TEP1: variants seen among roughly 807,000 people sequenced by gnomAD.
The protein encoded by TEP1 is telomerase associated protein 1.
In TEP1, 241 loss-of-function variants were observed where a neutral mutation model predicts 306.3. The ratio of observed to expected loss-of-function variants is 0.79; its 90% CI spans 0.71 to 0.88. The LOEUF (loss-of-function observed/expected upper bound fraction) is 0.88, where lower values mean the gene tolerates loss of function less well. Ranked by LOEUF, TEP1 falls within the 40% of genes least tolerant of loss-of-function variation. TEP1 has a pLI of 0.00. For missense variants in TEP1, 3,051 were observed against 3,276.1 expected (o/e 0.93, Z 1.68); for synonymous variants, 1,289 against 1,305.5 (o/e 0.99, Z 0.27).
Position 20,408,296 on chromosome 14 carries a change from C to A in TEP1, c.144G>T (p.Lys48Asn). The A allele has an allele frequency of 1.2e-6, 2 of 1,613,752 alleles. No homozygotes were observed. Among genetic ancestry groups the A allele is most frequent in the Non-Finnish European group, 1.7e-6 (2 of 1,179,970 alleles). ...VSTHSDILSL[K>N]NQCLATLPDL... The stretch of plus-strand genomic sequence containing the variant: ...CAGGAAGCGTGGCTAGGCACTGGTT[C>A]TTCAAGGAGAGGATATCTGAGTGGG... Residue 48 changes from lysine (K) to asparagine (N), a missense_variant, in exon 2 of 55, where the codon AAG becomes AAT. Coordinates refer to ENST00000262715, the MANE Select transcript of TEP1 (RefSeq NM_007110.5).
chr14:20,385,613 T>C (rs1877069526), intron 20 of TEP1, among the ~76,000 whole-genome samples: 1 of 152,238 alleles, frequency 6.6e-6, no homozygotes, highest in Non-Finnish European at 1.5e-5. Flanking sequence ...CCTCAGGTGA[T>C]CCACCCGCCT....
chr14:20,372,670 G>C (rs1021191343), intron 49 of TEP1, 63 bp downstream of exon 49: 4 of 1,608,724 alleles, frequency 2.5e-6, no homozygotes, highest in Admixed American at 1.7e-5. Flanking sequence ...CAGTAATTTG[G>C]GTAAAATGCC....
At position 20,368,399 on chromosome 14, in the gene TEP1, T is replaced by C. The variant is rs1200435449; in HGVS notation, c.*38A>G. Reference sequence around the variant, plus strand: ...CCAGTGTCTTCAGGCTTTGCATCTCTAGCACAAGGGGTATCATTATTCCCG... The same window carrying C: ...CCAGTGTCTTCAGGCTTTGCATCTCCAGCACAAGGGGTATCATTATTCCCG... On this transcript the variant is annotated 3_prime_UTR_variant, in exon 55 of 55. Transcript: ENST00000262715. 8 of 1,601,632 alleles carry C rather than the reference T, an allele frequency of 5.0e-6. No individual in the cohort carries two copies. Among genetic ancestry groups the C allele is most frequent in the Non-Finnish European group, 5.1e-6 (6 of 1,169,648 alleles).
At position 20,385,116 on chromosome 14, in the gene TEP1, G is replaced by A. The variant is rs1406502392; in HGVS notation, c.2983-7C>T. On this transcript the variant is annotated splice_region_variant and splice_polypyrimidine_tract_variant and intron_variant, in intron 20 of 54. Transcript: ENST00000262715. Reference sequence around the variant, plus strand: ...CTGAAGGGTACTGCTGGGCCTGCGGGGAGGACAGAGACAGTGAGTTTAGTC... The same window carrying A: ...CTGAAGGGTACTGCTGGGCCTGCGGAGAGGACAGAGACAGTGAGTTTAGTC... 5.0e-6 allele frequency: 8 copies of A among 1,613,570 alleles called. No homozygotes were observed. Among genetic ancestry groups the A allele is most frequent in the Non-Finnish European group, 5.9e-6 (7 of 1,179,860 alleles).
chr14:20,368,994 TCCTC>T, intron 53 of TEP1, 92 bp from the exon 54 acceptor site: 3 of 848,902 alleles, frequency 3.5e-6, no homozygotes, highest in Non-Finnish European at 5.6e-6. Flanking sequence ...CCTACAGCCC[TCCTC>T]CCTTAGTATT....
In TEP1 at chr14:20,395,630, G is replaced by A. The variant is rs1029418850; in HGVS notation, c.1751-3C>T. On this transcript the variant is annotated splice_region_variant and splice_polypyrimidine_tract_variant and intron_variant, in intron 11 of 54. Transcript: ENST00000262715. ...TATATTCGAAGGAAAGGGCAATGCT[G>A]TATGATGACAGGTAAATTTCCGAGT... 1.3e-6 allele frequency: 2 copies of A among 1,589,746 alleles called. No individual in the cohort carries two copies. The highest frequency in any genetic ancestry group is 1.7e-6 in the Non-Finnish European group (2 of 1,160,224).
chr14:20,378,512 C>T lies in TEP1; in HGVS notation c.5376G>A (p.Gln1792=), dbSNP rs1885336055. The T allele has an allele frequency of 6.2e-7, 1 of 1,614,204 alleles. No homozygotes were observed. The highest frequency in any genetic ancestry group is 8.5e-7 in the Non-Finnish European group (1 of 1,180,030). Residue 1792 remains glutamine, a synonymous_variant, in exon 38 of 55, where the codon CAG becomes CAA. Transcript: ENST00000262715. ...CLKLWDTVRG[Q]LAFQHTYPKS... Reference sequence around the variant, plus strand: ...TGGGGTAGGTGTGCTGGAAGGCCAGCTGCCCACGGACTGTGTCCCACAGCT... The same window carrying T: ...TGGGGTAGGTGTGCTGGAAGGCCAGTTGCCCACGGACTGTGTCCCACAGCT...
chr14:20,395,553 TCCG>T lies in TEP1; in HGVS notation c.1822_1824del (p.Arg609del). On this transcript the variant is annotated inframe_deletion, in exon 12 of 55. Transcript: ENST00000262715. ...TGACGGCTTAGGTGGCAAAGAAACC[TCCG>T]CCTGGGACGGTTCTTTTCATTTCTA... 2 of 1,613,874 alleles carry T rather than the reference TCCG, an allele frequency of 1.2e-6. No individual in the cohort carries two copies. Among genetic ancestry groups the T allele is most frequent in the South Asian group, 2.2e-5 (2 of 91,072 alleles).
At position 20,391,105 on chromosome 14, in the gene TEP1, A is replaced by AC. The variant is rs1877679518; in HGVS notation, c.2098-10dup. 1 of 1,613,554 alleles carries AC rather than the reference A, an allele frequency of 6.2e-7. No homozygotes were observed. Among genetic ancestry groups the AC allele is most frequent in the East Asian group, 2.2e-5 (1 of 44,882 alleles). ...GCATAGTTCAGCGGGGGCTGATTGG[A>AC]CAAGTGTCAGGGGAAATAAAGCTCC... On this transcript the variant is annotated splice_polypyrimidine_tract_variant and intron_variant, in intron 13 of 54. Coordinates refer to ENST00000262715, the MANE Select transcript of TEP1 (RefSeq NM_007110.5).
rs1876903719 is a variant in TEP1 at position 20,384,234 on chromosome 14, TGA to T, written c.3340-4_3340-3del. On this transcript the variant is annotated splice_polypyrimidine_tract_variant and splice_region_variant and intron_variant, in intron 23 of 54. Transcript: ENST00000262715. ...TGGCTGCTCCAGCAGGGCCCCAGGC[TGA>T]GGGTAAATGGGTCAGTGACTATCCA... The T allele has an allele frequency of 1.9e-6, 3 of 1,613,222 alleles. No individual in the cohort carries two copies. Among genetic ancestry groups the T allele is most frequent in the Non-Finnish European group, 1.7e-6 (2 of 1,179,556 alleles).
intron 35 of TEP1, 149 bp from the exon 36 acceptor site, chr14:20,379,254 G>T (rs141077549): frequency 2.8e-6 from 3 of 1,068,906 alleles, no homozygotes; most frequent in Admixed American, 2.7e-5. Flanking sequence ...ACGTTCAAGT[G>T]GGGGCCTCGT....
At chr14:20,390,547 GT>G in intron 15 of TEP1, 133 bp downstream of exon 15, 1 of 800,582 alleles carries the variant, frequency 1.2e-6, no homozygotes, top group South Asian at 1.7e-5. Context: ...TGGGTAGGGG[GT>G]TGTAGCCAGT....
Position 20,375,825 on chromosome 14 carries a change from A to T in TEP1, c.6293T>A (p.Leu2098Ter), listed in dbSNP as rs1182685688. The T allele has an allele frequency of 6.2e-7, 1 of 1,613,728 alleles. No homozygotes were observed. Among genetic ancestry groups the T allele is most frequent in the Admixed American group, 1.7e-5 (1 of 60,020 alleles). The change falls in exon 43 of 55, where the codon TTG (leucine) becomes TAG (stop). Residue 2098 changes from leucine to a stop codon, truncating the protein, a stop_gained. Transcript: ENST00000262715. LOFTEE classifies it high-confidence loss of function. ...WDVRTPKTPV[L>*]IHSFPACHRD... ...GTGACAGGCAGGGAAGGAGTGGATC[A>T]AAACAGGGGTTTTGGGTGTCCTCAC...
chr14:20,388,320 G>A (rs35202386), intron 17 of TEP1, among the ~76,000 whole-genome samples: 17,901 of 152,134 alleles, frequency 0.12, 1,445 homozygotes, highest in Non-Finnish European at 0.16. Flanking sequence ...CTGTTGGGCC[G>A]GGGCAACGGG....
rs2139233706 is a variant in TEP1, at chr14:20,413,359, C to A, written c.-25+46G>T. 1.3e-5 allele frequency: 2 copies of A among 152,454 alleles called. 1 individual carries two copies. Among genetic ancestry groups the A allele is most frequent in the Middle Eastern group, 6.8e-3 (2 of 294 alleles). 9.4% of individuals were successfully genotyped at this position (152,454 alleles called of 1,614,324 possible). A position where few individuals can be genotyped will look rare whatever the true frequency, so the allele number is the denominator to read the frequency against. On this transcript the variant is annotated intron_variant, in intron 1 of 54. Transcript: ENST00000262715. ...AGGGCCAGGGCAAGTTCTGCCTGCGCTCGGACCCTACCTTAGACTGGGGCT... is the reference window on the plus strand; with the variant it reads ...AGGGCCAGGGCAAGTTCTGCCTGCGATCGGACCCTACCTTAGACTGGGGCT...
In TEP1 at chr14:20,388,021, C is replaced by G; in HGVS notation, c.2568G>C (p.Val856=). The part of the protein sequence containing the change: ...EHGASHLLEH[V]GQMDKIFKIP... ...TCTTGAATATTTTGTCCATTTGGCC[C>G]ACATGTTCCAGAAGATGGGAGGCCC... Residue 856 remains valine, a synonymous_variant, in exon 18 of 55, where the codon GTG becomes GTC. Coordinates refer to ENST00000262715, the MANE Select transcript of TEP1 (RefSeq NM_007110.5). 2 of 1,614,118 alleles carry G rather than the reference C, an allele frequency of 1.2e-6. No individual in the cohort carries two copies. The highest frequency in any genetic ancestry group is 2.7e-5 in the African/African-American group (2 of 75,018).
At chr14:20,368,654 T>C in intron 54 of TEP1, 95 bp from the exon 55 acceptor site, 1 of 1,565,698 alleles carries the variant, frequency 6.4e-7, no homozygotes, top group Non-Finnish European at 8.7e-7. Context: ...AGAAACAGGT[T>C]AGTCATACAT....
intron 35 of TEP1, 104 bp downstream of exon 35, chr14:20,379,826 G>C: frequency 6.9e-7 from 1 of 1,444,340 alleles, no homozygotes; most frequent in Non-Finnish European, 9.2e-7. Context: ...TAAAGTTGCT[G>C]AATTAATCAG....
intron 9 of TEP1, chr14:20,400,765 T>C: frequency 1.8e-6 from 1 of 559,658 alleles, no homozygotes; most frequent in Non-Finnish European, 3.1e-6. Flanking sequence ...GTACATCACC[T>C]AACTACATCT....
Sources: gnomAD v4.1 joint callset for allele counts (sites outside exome capture counted in the v4.1 genomes callset) on GRCh38, gnomAD v4.1.1 for gene constraint, MANE v1.5 for transcripts, NCBI Gene and HGNC (gene_info 2026-07-23, HGNC 2026-07-21) for gene names.